TRAF3: variants seen among roughly 807,000 people sequenced by gnomAD.
TRAF3 encodes TNF receptor associated factor 3, also known as TNF receptor-associated factor 3.
A neutral mutation model predicts 62.3 loss-of-function variants in TRAF3; 13 were observed. The observed-to-expected ratio is 0.21, with a 90% CI of 0.14 to 0.33. TRAF3 has a LOEUF of 0.33. Among genes scored for constraint, TRAF3 ranks in the 10% least tolerant of loss-of-function variants. The pLI is 1.00. For synonymous variants in TRAF3, 269 were observed against 283.4 expected, an observed-to-expected ratio of 0.95 and a Z score of 0.51; for missense variants, 440 against 741.8, an observed-to-expected ratio of 0.59 and a Z score of 4.73.
At chr14:102,836,766 CTCTTA>C (rs1886033303) in intron 2 of TRAF3, among the ~76,000 whole-genome samples, 1 of 152,172 alleles carries the variant, frequency 6.6e-6, no homozygotes, top group African/African-American at 2.4e-5. Context: ...TTTAACATGA[CTCTTA>C]TCTAGCTATA....
At chr14:102,825,931 C>T (rs1900282610) in intron 1 of TRAF3, among the ~76,000 whole-genome samples, 1 of 152,254 alleles carries the variant, frequency 6.6e-6, no homozygotes, top group Non-Finnish European at 1.5e-5. Context: ...CTCTCCTCAT[C>T]TCCTGTAGGC....
chr14:102,849,830 C>T (rs1294867593), intron 2 of TRAF3, among the ~76,000 whole-genome samples: 1 of 152,246 alleles, frequency 6.6e-6, no homozygotes, highest in Non-Finnish European at 1.5e-5. Flanking sequence ...CAGCAGGGCA[C>T]ACCTGTCTGT....
At chr14:102,818,941 AT>A (rs910351811) in intron 1 of TRAF3, among the ~76,000 whole-genome samples, 19 of 151,716 alleles carry the variant, frequency 1.3e-4, no homozygotes, top group East Asian at 3.9e-4. Context: ...AATAAATACA[AT>A]TTTTTTTGTC....
rs1595424406 is a variant in TRAF3 at position 102,911,462 on chromosome 14, G to C, written c.*5678G>C. 1 of 152,264 alleles carries C rather than the reference G, an allele frequency of 6.6e-6. No individual in the cohort carries two copies. 9.4% of individuals were successfully genotyped at this position (152,264 alleles called of 1,614,324 possible). A position where few individuals can be genotyped will look rare whatever the true frequency, so the allele number is the denominator to read the frequency against. On this transcript the variant is annotated 3_prime_UTR_variant, in exon 12 of 12. Transcript: ENST00000392745. ...ATGCAAAACTCGGAGATGCTAAACT[G>C]TCTTATTAGAGGAAAATAAATCTGA...
chr14:102,820,108 C>G (rs1899800205), intron 1 of TRAF3, among the ~76,000 whole-genome samples: 1 of 152,204 alleles, frequency 6.6e-6, no homozygotes, highest in East Asian at 1.9e-4. Flanking sequence ...TGTTGTTCTC[C>G]CTGTCATCTC....
In TRAF3 at chr14:102,848,945, T is replaced by G. The variant is rs533885224; in HGVS notation, c.-18+18473T>G. Among the ~76,000 whole-genome samples the G allele has an allele frequency of 3.3e-5, 5 of 151,962 alleles. No homozygotes were observed. In the East Asian group the frequency reaches 9.6e-4, roughly 29 times the overall value. ...ATCTGCACTGATGTGAGATCCAGTGTTGTTGTTGTTGTTTTTTCCTTTTGT... is the reference window on the plus strand; with the variant it reads ...ATCTGCACTGATGTGAGATCCAGTGGTGTTGTTGTTGTTTTTTCCTTTTGT... On this transcript the variant is annotated intron_variant, in intron 2 of 11. Coordinates refer to ENST00000392745, the MANE Select transcript of TRAF3 (RefSeq NM_145725.3).
intron 6 of TRAF3, among the ~76,000 whole-genome samples, chr14:102,878,127 G>A (rs558837874): frequency 7.9e-5 from 12 of 152,208 alleles, no homozygotes; most frequent in African/African-American, 2.2e-4. Context: ...TTCAAAAAAG[G>A]TAAAATTTTT....
intron 1 of TRAF3, among the ~76,000 whole-genome samples, chr14:102,818,335 C>T (rs1464529629): frequency 6.6e-6 from 1 of 152,128 alleles, no homozygotes; most frequent in Non-Finnish European, 1.5e-5. Flanking sequence ...ATGATTAACC[C>T]TCCCACCCCC....
chr14:102,817,202 A>T (rs1899589886), intron 1 of TRAF3, among the ~76,000 whole-genome samples: 1 of 152,094 alleles, frequency 6.6e-6, no homozygotes, highest in African/African-American at 2.4e-5. Context: ...GGTGCTGGAG[A>T]TATATTTGAG....
intron 9 of TRAF3, 67 bp downstream of exon 9, chr14:102,891,484 C>G: frequency 1.3e-6 from 2 of 1,510,500 alleles, no homozygotes; most frequent in Non-Finnish European, 1.8e-6. Flanking sequence ...AAAGACAAAA[C>G]CTTTTTGTAG....
At chr14:102,801,877 G>T (rs1048599852) in intron 1 of TRAF3, among the ~76,000 whole-genome samples, 3 of 150,728 alleles carry the variant, frequency 2.0e-5, no homozygotes, top group African/African-American at 7.3e-5. Flanking sequence ...TTAGCCGGGC[G>T]TGGTGGCGGG....
chr14:102,891,269 C>G (rs543415634), intron 8 of TRAF3, 56 bp from the exon 9 acceptor site: 1 of 1,529,582 alleles, frequency 6.5e-7, no homozygotes, highest in Non-Finnish European at 8.9e-7. Context: ...GTTAGCCGTT[C>G]TGCCCTTTGA....
In TRAF3 at chr14:102,845,054, C is replaced by T. The variant is rs973644257; in HGVS notation, c.-18+14582C>T. Among the ~76,000 whole-genome samples the T allele has an allele frequency of 4.0e-5, 6 of 150,250 alleles. No individual in the cohort carries two copies. In the South Asian group the frequency reaches 1.3e-3, roughly 32 times the overall value. On this transcript the variant is annotated intron_variant, in intron 2 of 11. Transcript: ENST00000392745. The stretch of plus-strand genomic sequence containing the variant: ...CTGGGACTACAGGTGGCTGCCAGCA[C>T]GCCGGCTAATTTTTTGTATTTTTAG...
chr14:102,838,493 G>C (rs1253400131), intron 2 of TRAF3, among the ~76,000 whole-genome samples: 1 of 152,228 alleles, frequency 6.6e-6, no homozygotes, highest in African/African-American at 2.4e-5. Flanking sequence ...CTGCCGTCCT[G>C]CTAGGCATTG....
Position 102,909,941 on chromosome 14 carries a change from T to TA in TRAF3, c.*4160dup, listed in dbSNP as rs1198215850. On this transcript the variant is annotated 3_prime_UTR_variant, in exon 12 of 12. Transcript: ENST00000392745. ...AGGAAGGGGAGTCTGGATGGGTCCT[T>TA]AAACGACCATTCTGTCCGCAGCGGG... The TA allele has an allele frequency of 2.0e-5, 3 of 152,226 alleles. No homozygotes were observed. The highest frequency in any genetic ancestry group is 4.4e-5 in the Non-Finnish European group (3 of 68,054). The allele number at this position is 152,226 out of a possible 1,614,324, so 9.4% of individuals were successfully genotyped here.
intron 1 of TRAF3, among the ~76,000 whole-genome samples, chr14:102,807,189 C>T (rs911830496): frequency 5.9e-5 from 9 of 152,206 alleles, no homozygotes; most frequent in African/African-American, 1.9e-4. Context: ...AAACCCTTTA[C>T]GGCCTCTGAC....
intron 1 of TRAF3, among the ~76,000 whole-genome samples, chr14:102,781,707 A>G (rs1242980078): frequency 1.3e-5 from 2 of 151,068 alleles, no homozygotes; most frequent in Non-Finnish European, 3.0e-5. Flanking sequence ...GCTTGCTGCA[A>G]CCTCCGCCTC....
intron 1 of TRAF3, among the ~76,000 whole-genome samples, chr14:102,829,405 G>A (rs1020652348): frequency 6.6e-6 from 1 of 152,214 alleles, no homozygotes; most frequent in African/African-American, 2.4e-5. Context: ...GGTGATGTCT[G>A]CCTTGGTCTC....
chr14:102,893,518 G>A (rs1438029009), intron 9 of TRAF3, among the ~76,000 whole-genome samples: 3 of 152,150 alleles, frequency 2.0e-5, no homozygotes, highest in South Asian at 4.1e-4. Context: ...GCCTTTCGGG[G>A]CCTAATCCCT....
Sources: gnomAD v4.1 joint callset for allele counts (sites outside exome capture counted in the v4.1 genomes callset) on GRCh38, gnomAD v4.1.1 for gene constraint, MANE v1.5 for transcripts, NCBI Gene and HGNC (gene_info 2026-07-23, HGNC 2026-07-21) for gene names.